The following STRIP2 variants were observed in gnomAD, a reference collection of about 807,000 sequenced individuals.
STRIP2 encodes the protein striatin interacting protein 2, also known as striatin-interacting protein 2.
A neutral mutation model predicts 107.1 loss-of-function variants in STRIP2; 84 were observed. That is an observed-to-expected ratio of 0.78 (90% CI 0.66 to 0.94). STRIP2 has a LOEUF of 0.94. Among genes scored for constraint, STRIP2 ranks in the 40% least tolerant of loss-of-function variants. The probability of loss-of-function intolerance (pLI) is 0.00; values close to 1 mark genes in which losing one functional copy is unlikely to be tolerated. For synonymous variants in STRIP2, 394 were observed against 400.4 expected (o/e 0.98, Z 0.19); for missense variants, 888 against 1,034.2 (o/e 0.86, Z 1.94).
chr7:129,468,939 T>G (rs571436285), intron 17 of STRIP2, among the ~76,000 whole-genome samples: 1 of 152,216 alleles, frequency 6.6e-6, no homozygotes, highest in Non-Finnish European at 1.5e-5. Flanking sequence ...TCCAGTTTCC[T>G]CTCTCACTGA....
At position 129,446,882 on chromosome 7, in the gene STRIP2, T is replaced by C. The variant is rs192654123; in HGVS notation, c.274+2784T>C. ...GATGGGTCAGAAAGCACTCAGTTCA[T>C]GATAGGCAGTTGAGGTCGCATGGTG... On this transcript the variant is annotated intron_variant, in intron 3 of 20. Transcript: ENST00000249344. Among the ~76,000 whole-genome samples, 366 of 152,326 alleles carry C rather than the reference T, an allele frequency of 2.4e-3. 5 individuals carry two copies. The highest frequency in any genetic ancestry group is 9.7e-4 in the Non-Finnish European group (66 of 68,026).
chr7:129,457,729 C>G (rs1252192656), intron 9 of STRIP2, among the ~76,000 whole-genome samples: 3 of 152,226 alleles, frequency 2.0e-5, no homozygotes, highest in Non-Finnish European at 2.9e-5. Flanking sequence ...CAACCAGAGA[C>G]AGTCACTGTT....
chr7:129,455,244 G>A lies in STRIP2; in HGVS notation c.707G>A (p.Ser236Asn). The A allele has an allele frequency of 6.2e-7, 1 of 1,612,030 alleles. No individual in the cohort carries two copies. ...TARETFRTEL[S>N]FSMHNEEPFA... ...CACTCCCCTCTCTCCTCACCCCTAG[G>A]CTTCTCCATGCATAATGAGGAGCCT... Residue 236 changes from serine to asparagine, a missense_variant and splice_region_variant, in exon 8 of 21, where the codon AGC (serine) becomes AAC (asparagine). Ser to Asn is a conservative substitution (Grantham distance 46). Transcript: ENST00000249344.
At chr7:129,481,595 A>G (rs1285055658) in intron 19 of STRIP2, among the ~76,000 whole-genome samples, 7 of 151,714 alleles carry the variant, frequency 4.6e-5, no homozygotes, top group Non-Finnish European at 1.0e-4. Context: ...ATGTCCTTAT[A>G]ATAGAATATT....
intron 5 of STRIP2, 77 bp downstream of exon 5, chr7:129,453,424 C>T: frequency 6.4e-7 from 1 of 1,573,030 alleles, no homozygotes. Context: ...TGCTGCTTCC[C>T]TCACTATAGA....
intron 3 of STRIP2, among the ~76,000 whole-genome samples, chr7:129,451,078 AG>A (rs1198843409): frequency 6.7e-6 from 1 of 149,942 alleles, no homozygotes; most frequent in Non-Finnish European, 1.5e-5. Context: ...CTGGGACTAC[AG>A]GCGCCCGCCA....
At chr7:129,482,371 ATATATATTTT>A (rs1799144362) in intron 19 of STRIP2, among the ~76,000 whole-genome samples, 1 of 84,194 alleles carries the variant, frequency 1.2e-5, no homozygotes, top group African/African-American at 3.4e-5. Flanking sequence ...ATATATATAT[ATATATATTTT>A]TTTTTTTTTT....
In STRIP2 at chr7:129,458,346, C is replaced by A. The variant is rs1798425281; in HGVS notation, c.1170C>A (p.Asp390Glu). Reference sequence around the variant, plus strand: ...AACGAACCTTGGATGGAGAGCTAGACCTGCTAGAGCAGGACCCTCTGGTGC... The same window carrying A: ...AACGAACCTTGGATGGAGAGCTAGAACTGCTAGAGCAGGACCCTCTGGTGC... ...DGERTLDGEL[D>E]LLEQDPLVPP... The change falls in exon 10 of 21, where the codon GAC becomes GAA. Residue 390 changes from aspartate to glutamate, a missense_variant. Transcript: ENST00000249344. The surrounding 1 kb of genome is among the most constrained non-coding windows in gnomAD (Gnocchi z 4.6). The A allele has an allele frequency of 6.2e-7, 1 of 1,614,038 alleles. No homozygotes were observed. The highest frequency in any genetic ancestry group is 8.5e-7 in the Non-Finnish European group (1 of 1,180,016).
At position 129,444,983 on chromosome 7, in the gene STRIP2, G is replaced by A. The variant is rs111552141; in HGVS notation, c.274+885G>A. ...CTCATGACCAGCTGGTCACGTGGTC[G>A]TAGCTGGTATTGATGACTACCTTCT... On this transcript the variant is annotated intron_variant, in intron 3 of 20. Coordinates refer to ENST00000249344, the MANE Select transcript of STRIP2 (RefSeq NM_020704.3). 6.7e-3 allele frequency among the ~76,000 whole-genome samples: 1,024 copies of A among 152,284 alleles called. 13 individuals are homozygous for A. The highest frequency in any genetic ancestry group is 0.024 in the African/African-American group (989 of 41,556).
In STRIP2 at chr7:129,483,811, A is replaced by G. The variant is rs1462366894; in HGVS notation, c.2254+765A>G. ...CCAGGCTGGAAAGCAGTGACATGAT[A>G]ATGGCTCACTGCAGCCTCGACTTCC... On this transcript the variant is annotated intron_variant, in intron 20 of 20. Transcript: ENST00000249344. The surrounding 1 kb of genome is among the most constrained non-coding windows in gnomAD (Gnocchi z 5.1). Among the ~76,000 whole-genome samples the G allele has an allele frequency of 3.3e-5, 5 of 152,044 alleles. No individual in the cohort carries two copies. Among genetic ancestry groups the G allele is most frequent in the Non-Finnish European group, 7.4e-5 (5 of 68,020 alleles).
intron 19 of STRIP2, among the ~76,000 whole-genome samples, chr7:129,482,613 C>T (rs750825733): frequency 2.0e-5 from 3 of 151,734 alleles, no homozygotes; most frequent in Non-Finnish European, 4.4e-5. Context: ...CCTGACCTTA[C>T]GTGATCCACT....
chr7:129,481,687 G>A (rs1655886270), intron 19 of STRIP2, among the ~76,000 whole-genome samples: 1 of 152,076 alleles, frequency 6.6e-6, no homozygotes, highest in Non-Finnish European at 1.5e-5. Flanking sequence ...TGAGGCAGAA[G>A]GATTGCCTGA....
At chr7:129,482,675 GC>G (rs370196841) in intron 19 of STRIP2, among the ~76,000 whole-genome samples, 166 bp from the exon 20 acceptor site, 2 of 151,974 alleles carry the variant, frequency 1.3e-5, no homozygotes, top group Non-Finnish European at 2.9e-5. Flanking sequence ...ACCTTGCCCA[GC>G]CCCCCTCTAT....
chr7:129,438,624 C>G (rs1389705916), intron 1 of STRIP2, among the ~76,000 whole-genome samples: 1 of 152,158 alleles, frequency 6.6e-6, no homozygotes, highest in Non-Finnish European at 1.5e-5. Flanking sequence ...GATTCTGACA[C>G]TAACTACCTA....
rs961189794 is a variant in STRIP2 at position 129,458,772 on chromosome 7, G to A, written c.1335G>A (p.Leu445=). ...GGAACAAGTTCATCGGATTCACCCT[G>A]GGGCAGTAAGTGACTGAATGGCTGG... ...MSRNKFIGFT[L]GQDTDTLVGL... is the part of the protein sequence containing the mutation. Residue 445 remains leucine (L), a synonymous_variant, in exon 11 of 21, where the codon CTG becomes CTA. Transcript: ENST00000249344. The surrounding 1 kb of genome is among the most constrained non-coding windows in gnomAD (Gnocchi z 4.6). 1 of 1,614,140 alleles carries A rather than the reference G, an allele frequency of 6.2e-7. No individual in the cohort carries two copies. The highest frequency in any genetic ancestry group is 1.7e-5 in the Admixed American group (1 of 60,020).
At chr7:129,460,568 A>ATT in intron 13 of STRIP2, 196 bp downstream of exon 13, 2 of 584,014 alleles carry the variant, frequency 3.4e-6, no homozygotes, top group Non-Finnish European at 6.1e-6. Flanking sequence ...AAACCAAACT[A>ATT]TCAGAGAATG....
intron 4 of STRIP2, among the ~76,000 whole-genome samples, chr7:129,452,483 G>A (rs1347759612): frequency 1.3e-5 from 2 of 152,206 alleles, no homozygotes; most frequent in Non-Finnish European, 2.9e-5. Flanking sequence ...GTGCCCTCCT[G>A]TATCTCTTGG....
chr7:129,452,100 C>T (rs2150995724), intron 4 of STRIP2, among the ~76,000 whole-genome samples: 1 of 152,272 alleles, frequency 6.6e-6, no homozygotes, highest in Middle Eastern at 3.4e-3. Flanking sequence ...TCAACTGTGG[C>T]CTGGCCCCAA....
Position 129,454,464 on chromosome 7 carries a change from C to G in STRIP2, c.643C>G (p.Leu215Val). ...GTACCTAATGGTGGAAAATATTCGC[C>G]TGGAGCGAGAGACAGACCCCTGTGG... ...VMYLMVENIRLERETDPCGWR... is the reference protein window; with the variant it reads ...VMYLMVENIRVERETDPCGWR... Residue 215 changes from leucine to valine, a missense_variant, in exon 7 of 21, where the codon CTG (leucine) becomes GTG (valine). By Grantham distance (32) the Leu-to-Val change is conservative. Transcript: ENST00000249344. The G allele has an allele frequency of 6.2e-7, 1 of 1,614,124 alleles. No individual in the cohort carries two copies. Among genetic ancestry groups the G allele is most frequent in the Non-Finnish European group, 8.5e-7 (1 of 1,180,004 alleles).
Sources: allele counts gnomAD v4.1 joint callset (sites outside exome capture counted in the v4.1 genomes callset), GRCh38; gene constraint gnomAD v4.1.1; non-coding constraint Gnocchi (gnomAD v3.1); transcripts MANE v1.5; gene names NCBI Gene and HGNC (gene_info 2026-07-23, HGNC 2026-07-21).